RAPGEF1: variants seen among roughly 807,000 people sequenced by gnomAD.
RAPGEF1 encodes CRK SH3-binding GNRP.
Under a neutral mutation model 143.3 loss-of-function variants are expected in RAPGEF1, and 33 were observed. The ratio of observed to expected loss-of-function variants is 0.23; its 90% confidence interval spans 0.17 to 0.31. The LOEUF (loss-of-function observed/expected upper bound fraction) is 0.31, where lower values mean the gene tolerates loss of function less well. Ranked by LOEUF, RAPGEF1 falls within the 10% of genes least tolerant of loss-of-function variation. The pLI is 1.00. For missense variants in RAPGEF1, 1,199 were observed against 1,645.4 expected, an observed-to-expected ratio of 0.73 and a Z score of 4.69; for synonymous variants, 629 against 676.5, an observed-to-expected ratio of 0.93 and a Z score of 1.09.
chr9:131,705,090 C>T (rs760459439), intron 1 of RAPGEF1, among the ~76,000 whole-genome samples: 1 of 152,140 alleles, frequency 6.6e-6, no homozygotes, highest in Non-Finnish European at 1.5e-5. Flanking sequence ...TGAACATTTC[C>T]AGGTCCCAAA....
At chr9:131,737,415 G>A in intron 1 of RAPGEF1, 1 of 1,613,830 alleles carries the variant, frequency 6.2e-7, no homozygotes, top group South Asian at 1.1e-5. Context: ...CTGTGTCCAT[G>A]GCAGCACGGT....
intron 1 of RAPGEF1, among the ~76,000 whole-genome samples, chr9:131,656,146 C>A (rs945227854): frequency 9.2e-5 from 14 of 152,210 alleles, no homozygotes; most frequent in African/African-American, 3.4e-4. Context: ...TCGATAGATA[C>A]CGAATTCTTA....
rs1357205119 is a variant in RAPGEF1 at position 131,700,012 on chromosome 9, C to T, written c.61+39758G>A. 2.6e-5 allele frequency among the ~76,000 whole-genome samples: 4 copies of T among 152,128 alleles called. No homozygotes were observed. The East Asian group carries it at 7.7e-4, about 29-fold the overall frequency. On this transcript the variant is annotated intron_variant, in intron 1 of 26. Transcript: ENST00000683357. The stretch of plus-strand genomic sequence containing the variant: ...AGGCACCTCAAACTCACTCTGTACC[C>T]ACACAGCCCCAATCATCCCCCACAA...
At chr9:131,722,447 G>C (rs1458022907) in intron 1 of RAPGEF1, among the ~76,000 whole-genome samples, 2 of 152,234 alleles carry the variant, frequency 1.3e-5, no homozygotes, top group African/African-American at 4.8e-5. Flanking sequence ...ATGGATCCAG[G>C]CAGAGCCCTC....
intron 1 of RAPGEF1, among the ~76,000 whole-genome samples, chr9:131,718,217 C>T (rs987042347): frequency 6.6e-6 from 1 of 152,182 alleles, no homozygotes; most frequent in African/African-American, 2.4e-5. Context: ...GGGAAAGGAA[C>T]ACCTGGAAGA....
At chr9:131,688,925 A>G (rs770845580) in intron 1 of RAPGEF1, among the ~76,000 whole-genome samples, 1 of 152,146 alleles carries the variant, frequency 6.6e-6, no homozygotes, top group African/African-American at 2.4e-5. Flanking sequence ...CAAGGAAACA[A>G]TAAGCTTCAC....
chr9:131,580,660 G>C (rs1256487160), intron 25 of RAPGEF1, among the ~76,000 whole-genome samples: 1 of 152,088 alleles, frequency 6.6e-6, no homozygotes, highest in Non-Finnish European at 1.5e-5. Flanking sequence ...CAACCCATAA[G>C]GGCGAAGCTG....
At chr9:131,579,967 G>T (rs1015657796) in intron 26 of RAPGEF1, among the ~76,000 whole-genome samples, 2 of 152,236 alleles carry the variant, frequency 1.3e-5, no homozygotes, top group African/African-American at 4.8e-5. Flanking sequence ...GCAGGCCAGG[G>T]TTTGTCAGGC....
intron 22 of RAPGEF1, among the ~76,000 whole-genome samples, chr9:131,585,603 T>C (rs971262874): frequency 1.3e-5 from 2 of 152,242 alleles, no homozygotes; most frequent in African/African-American, 4.8e-5. Flanking sequence ...AACCACATCC[T>C]GTTGGGCAAA....
At chr9:131,718,401 A>C (rs190922474) in intron 1 of RAPGEF1, among the ~76,000 whole-genome samples, 1 of 152,270 alleles carries the variant, frequency 6.6e-6, no homozygotes, top group Non-Finnish European at 1.5e-5. Context: ...TCCAGTTCAC[A>C]CTCTGGCTGT....
chr9:131,602,192 T>C (rs13301422), intron 14 of RAPGEF1, 43 bp from the exon 15 acceptor site: 491,728 of 1,455,814 alleles, frequency 0.34, 87,276 homozygotes, highest in Non-Finnish European at 0.36. Flanking sequence ...AGGGGCCCTC[T>C]GCGGGGCTGC....
chr9:131,676,982 A>G (rs1832452680), intron 1 of RAPGEF1, among the ~76,000 whole-genome samples: 1 of 152,244 alleles, frequency 6.6e-6, no homozygotes, highest in Non-Finnish European at 1.5e-5. Flanking sequence ...ATTCTGATAC[A>G]CAGTAAGTTG....
At chr9:131,716,236 T>A (rs1471815207) in intron 1 of RAPGEF1, among the ~76,000 whole-genome samples, 1 of 152,174 alleles carries the variant, frequency 6.6e-6, no homozygotes, top group Non-Finnish European at 1.5e-5. Flanking sequence ...TTGCTTCAGA[T>A]TTCAAGGACC....
chr9:131,596,423 A>G (rs758475749), intron 16 of RAPGEF1, 50 bp from the exon 17 acceptor site: 2 of 1,577,444 alleles, frequency 1.3e-6, no homozygotes, highest in Non-Finnish European at 1.7e-6. Flanking sequence ...TGCCCTTCAG[A>G]GAATCAGTTT....
chr9:131,724,807 C>T (rs957670457), intron 1 of RAPGEF1, among the ~76,000 whole-genome samples: 1 of 152,192 alleles, frequency 6.6e-6, no homozygotes, highest in Non-Finnish European at 1.5e-5. Context: ...TGATTCTGTT[C>T]TCCCTTGTTG....
chr9:131,678,172 A>G (rs895893776), intron 1 of RAPGEF1, among the ~76,000 whole-genome samples: 1 of 152,212 alleles, frequency 6.6e-6, no homozygotes, highest in Non-Finnish European at 1.5e-5. Flanking sequence ...TTAAAAGCAA[A>G]CAGAGTCAGA....
At chr9:131,617,575 G>T (rs1439371358) in intron 12 of RAPGEF1, among the ~76,000 whole-genome samples, 1 of 152,176 alleles carries the variant, frequency 6.6e-6, no homozygotes, top group African/African-American at 2.4e-5. Context: ...GGGGAAAAAA[G>T]GCCAAACAGG....
intron 1 of RAPGEF1, among the ~76,000 whole-genome samples, chr9:131,656,954 GC>G (rs1275010773): frequency 2.6e-5 from 4 of 152,210 alleles, no homozygotes; most frequent in Admixed American, 6.5e-5. Context: ...AGCACAAGAA[GC>G]CATAAATCAG....
chr9:131,592,745 A>G (rs1336085293), intron 17 of RAPGEF1, among the ~76,000 whole-genome samples: 1 of 152,122 alleles, frequency 6.6e-6, no homozygotes, highest in Non-Finnish European at 1.5e-5. Flanking sequence ...TTATTTTTAA[A>G]TTTTTATTAT....
Sources: gnomAD v4.1 joint callset for allele counts (sites outside exome capture counted in the v4.1 genomes callset) on GRCh38, gnomAD v4.1.1 for gene constraint, MANE v1.5 for transcripts, NCBI Gene and HGNC (gene_info 2026-07-23, HGNC 2026-07-21) for gene names.